The following KIAA1549L variants were observed in gnomAD, a reference collection of about 807,000 sequenced individuals.
KIAA1549L encodes UPF0606 protein KIAA1549L.
A neutral mutation model predicts 160.7 loss-of-function variants in KIAA1549L; 88 were observed. The observed-to-expected ratio is 0.55, with a 90% CI of 0.46 to 0.65. The LOEUF (loss-of-function observed/expected upper bound fraction) is 0.65. Among genes scored for constraint, KIAA1549L ranks in the 30% least tolerant of loss-of-function variants. The pLI, the probability that KIAA1549L is intolerant of heterozygous loss-of-function variation, is 0.00. For synonymous variants in KIAA1549L, 950 were observed against 976.7 expected, an observed-to-expected ratio of 0.97 and a Z score of 0.51; for missense variants, 2,258 against 2,437.5, an observed-to-expected ratio of 0.93 and a Z score of 1.55.
intron 1 of KIAA1549L, among the ~76,000 whole-genome samples, chr11:33,495,883 G>A (rs1310454862): frequency 1.3e-5 from 2 of 151,884 alleles, no homozygotes; most frequent in Admixed American, 1.3e-4. Flanking sequence ...GCCAGTGATG[G>A]TGAGCATTTT....
chr11:33,527,811 A>G (rs934584417), intron 1 of KIAA1549L, among the ~76,000 whole-genome samples: 10 of 152,202 alleles, frequency 6.6e-5, no homozygotes, highest in African/African-American at 2.2e-4. Flanking sequence ...TGGTACAAGA[A>G]AAGAAGATGG....
At position 33,542,337 on chromosome 11, in the gene KIAA1549L, C is replaced by T; in HGVS notation, c.774C>T (p.Ser258=). The T allele has an allele frequency of 1.3e-6, 1 of 746,504 alleles. No homozygotes were observed. Among genetic ancestry groups the T allele is most frequent in the Non-Finnish European group, 2.2e-6 (1 of 451,054 alleles). The allele number at this position is 746,504 out of a possible 1,614,324, so 46.2% of individuals were successfully genotyped here. Residue 258 remains serine, a synonymous_variant, in exon 2 of 21, where the codon TCC becomes TCT. Coordinates refer to ENST00000658780, the MANE Select transcript of KIAA1549L (RefSeq NM_012194.3). Reference sequence around the variant, plus strand: ...CATTGGCTCCTGACTCACCTCATTCCATCATCTCTGAGCCAGCAGAGCAAT... The same window carrying T: ...CATTGGCTCCTGACTCACCTCATTCTATCATCTCTGAGCCAGCAGAGCAAT... The part of the protein sequence containing the change: ...SSSLAPDSPH[S]IISEPAEQSP...
intron 1 of KIAA1549L, among the ~76,000 whole-genome samples, chr11:33,404,965 A>C (rs529319411): frequency 3.5e-5 from 5 of 144,648 alleles, no homozygotes; most frequent in African/African-American, 1.3e-4. Flanking sequence ...CCAAGATCGC[A>C]CCACTGCACT....
chr11:33,394,359 C>T (rs1178058351), intron 1 of KIAA1549L, among the ~76,000 whole-genome samples: 1 of 151,956 alleles, frequency 6.6e-6, no homozygotes, highest in Non-Finnish European at 1.5e-5. Context: ...ACACCCCAGC[C>T]TGGACAACAG....
chr11:33,649,786 G>C (rs566928976), intron 17 of KIAA1549L, among the ~76,000 whole-genome samples: 10 of 151,170 alleles, frequency 6.6e-5, no homozygotes, highest in African/African-American at 2.0e-4. Flanking sequence ...CCAGCTACTA[G>C]GAGGCTGAAG....
At chr11:33,395,511 G>C (rs1275033237) in intron 1 of KIAA1549L, among the ~76,000 whole-genome samples, 1 of 151,902 alleles carries the variant, frequency 6.6e-6, no homozygotes. Flanking sequence ...ATTTTAGAAG[G>C]CTTTCTATAA....
At chr11:33,485,914 A>T (rs1852514869) in intron 1 of KIAA1549L, among the ~76,000 whole-genome samples, 1 of 152,124 alleles carries the variant, frequency 6.6e-6, no homozygotes, top group Non-Finnish European at 1.5e-5. Context: ...ACTTGATATA[A>T]TGTCCTCCAG....
intron 1 of KIAA1549L, among the ~76,000 whole-genome samples, chr11:33,402,104 A>C (rs1554973794): frequency 6.6e-6 from 1 of 151,734 alleles, no homozygotes; most frequent in Non-Finnish European, 1.5e-5. Flanking sequence ...TCCAGCATAG[A>C]CTCTTCTGCA....
chr11:33,630,584 A>G (rs1443455559), intron 16 of KIAA1549L, among the ~76,000 whole-genome samples: 1 of 152,222 alleles, frequency 6.6e-6, no homozygotes, highest in Non-Finnish European at 1.5e-5. Flanking sequence ...TAGGAAAGGG[A>G]ACTCCCTGAC....
chr11:33,524,123 A>G (rs541142393), intron 1 of KIAA1549L, among the ~76,000 whole-genome samples: 3 of 152,090 alleles, frequency 2.0e-5, no homozygotes, highest in South Asian at 2.1e-4. Context: ...ACCTTTTTCT[A>G]TGGTAAGTGG....
At chr11:33,580,569 C>A in intron 10 of KIAA1549L, among the ~76,000 whole-genome samples, 1 of 68,916 alleles carries the variant, frequency 1.5e-5, no homozygotes. Flanking sequence ...GAGATTCTGC[C>A]TCAAAAAAAA....
chr11:33,407,952 G>C (rs1427353605), intron 1 of KIAA1549L, among the ~76,000 whole-genome samples: 1 of 152,064 alleles, frequency 6.6e-6, no homozygotes, highest in Non-Finnish European at 1.5e-5. Context: ...TACTGGGAAT[G>C]ACCCGTTCCT....
At position 33,452,715 on chromosome 11, in the gene KIAA1549L, T is replaced by G. The variant is rs181198175; in HGVS notation, c.238+75826T>G. Among the ~76,000 whole-genome samples the G allele has an allele frequency of 4.0e-3, 615 of 152,286 alleles. 3 individuals carry two copies. The highest frequency in any genetic ancestry group is 0.034 in the Middle Eastern group (10 of 294). On this transcript the variant is annotated intron_variant, in intron 1 of 20. Coordinates refer to ENST00000658780, the MANE Select transcript of KIAA1549L (RefSeq NM_012194.3). The stretch of plus-strand genomic sequence containing the variant: ...CACTAGAAACCTTCTAGTGATTGGC[T>G]GTTGGTGAGTTGGTTTTGCCTCCTG...
chr11:33,562,558 C>T (rs1854899357), intron 8 of KIAA1549L, among the ~76,000 whole-genome samples: 1 of 152,162 alleles, frequency 6.6e-6, no homozygotes, highest in South Asian at 2.1e-4. Flanking sequence ...GGTCATCTTC[C>T]CCCTGTGTCT....
chr11:33,442,270 A>G (rs1851524599), intron 1 of KIAA1549L, among the ~76,000 whole-genome samples: 1 of 152,072 alleles, frequency 6.6e-6, no homozygotes, highest in Non-Finnish European at 1.5e-5. Flanking sequence ...GTTCTGTTCC[A>G]TTGATCTATA....
chr11:33,418,589 A>G (rs1850934044), intron 1 of KIAA1549L, among the ~76,000 whole-genome samples: 1 of 152,202 alleles, frequency 6.6e-6, no homozygotes, highest in African/African-American at 2.4e-5. Context: ...AACAAGTTTC[A>G]TGAGTTGGAT....
chr11:33,559,496 G>A (rs1486864453), intron 6 of KIAA1549L, among the ~76,000 whole-genome samples: 4 of 152,118 alleles, frequency 2.6e-5, no homozygotes, highest in East Asian at 1.9e-4. Flanking sequence ...GTGAAAGGGC[G>A]TCATCACTGG....
chr11:33,643,917 A>G (rs754236853), intron 16 of KIAA1549L, among the ~76,000 whole-genome samples: 1 of 152,174 alleles, frequency 6.6e-6, no homozygotes, highest in Non-Finnish European at 1.5e-5. Flanking sequence ...GCTTTCAGGG[A>G]GCACATTTCC....
At chr11:33,556,616 A>C (rs910454405) in intron 6 of KIAA1549L, among the ~76,000 whole-genome samples, 1 of 152,244 alleles carries the variant, frequency 6.6e-6, no homozygotes, top group Non-Finnish European at 1.5e-5. Flanking sequence ...CAAATACTAT[A>C]TGATTTCTCT....
Sources: allele counts gnomAD v4.1 joint callset (sites outside exome capture counted in the v4.1 genomes callset), GRCh38; gene constraint gnomAD v4.1.1; transcripts MANE v1.5; gene names NCBI Gene and HGNC (gene_info 2026-07-23, HGNC 2026-07-21).